IQGAP1: variants seen among roughly 807,000 people sequenced by gnomAD.
IQGAP1 encodes ras GTPase-activating-like protein IQGAP1.
IQGAP1 carries 66 observed loss-of-function variants against 215.6 expected under a neutral mutation model. The ratio of observed to expected loss-of-function variants is 0.31; its 90% CI spans 0.25 to 0.38. The LOEUF (loss-of-function observed/expected upper bound fraction) is 0.38. Ranked by LOEUF, IQGAP1 falls within the 10% of genes least tolerant of loss-of-function variation. The pLI, the probability that IQGAP1 is intolerant of heterozygous loss-of-function variation, is 1.00. For synonymous variants in IQGAP1, 772 were observed against 728.7 expected (o/e 1.06, Z -0.96); for missense variants, 1,712 against 1,997.1 (o/e 0.86, Z 2.72).
At chr15:90,432,803 AT>A (rs1180186298) in intron 4 of IQGAP1, among the ~76,000 whole-genome samples, 5 of 152,026 alleles carry the variant, frequency 3.3e-5, no homozygotes, top group Admixed American at 3.3e-4. Flanking sequence ...TCACCTCATT[AT>A]TCAGTCTTTT....
chr15:90,432,150 A>G (rs1370108866), intron 4 of IQGAP1, among the ~76,000 whole-genome samples: 5 of 152,112 alleles, frequency 3.3e-5, no homozygotes, highest in Non-Finnish European at 7.4e-5. Flanking sequence ...TTCTCCTTGG[A>G]TAGCTTTCTG....
At chr15:90,487,333 C>T in intron 32 of IQGAP1, 162 bp from the exon 33 acceptor site, 1 of 661,282 alleles carries the variant, frequency 1.5e-6, no homozygotes, top group South Asian at 1.9e-5. Flanking sequence ...TATGGAATGG[C>T]TGGGTAAATA....
intron 2 of IQGAP1, among the ~76,000 whole-genome samples, chr15:90,422,659 T>C (rs899342972): frequency 2.1e-4 from 14 of 66,372 alleles, no homozygotes; most frequent in Non-Finnish European, 2.9e-4. Context: ...TATATATATA[T>C]GTATATATAT....
At chr15:90,471,521 C>T (rs1449957994) in intron 18 of IQGAP1, among the ~76,000 whole-genome samples, 3 of 146,722 alleles carry the variant, frequency 2.0e-5, no homozygotes, top group Non-Finnish European at 4.5e-5. Flanking sequence ...TTTTTTGAAG[C>T]GGAGTTTCGC....
At chr15:90,393,971 A>G (rs1438227799) in intron 2 of IQGAP1, 3 of 152,220 alleles carry the variant, frequency 2.0e-5, no homozygotes, top group African/African-American at 7.2e-5. Context: ...CCCCGTCTCT[A>G]CTAAAAATAC....
At chr15:90,414,026 G>A (rs1296575185) in intron 2 of IQGAP1, among the ~76,000 whole-genome samples, 1 of 151,646 alleles carries the variant, frequency 6.6e-6, no homozygotes, top group Non-Finnish European at 1.5e-5. Flanking sequence ...TTCTTTTCTT[G>A]CAGACTATAA....
At chr15:90,445,954 TCCTGAGTGGATGACCAG>T (rs1965522840) in intron 9 of IQGAP1, among the ~76,000 whole-genome samples, 1 of 151,916 alleles carries the variant, frequency 6.6e-6, no homozygotes, top group Admixed American at 6.6e-5. Context: ...TGCCTCAGCC[TCCTGAGTGGATGACCAG>T]CATTCTTTGT....
chr15:90,496,241 C>T (rs1966271124), intron 36 of IQGAP1, among the ~76,000 whole-genome samples: 1 of 150,320 alleles, frequency 6.7e-6, no homozygotes, highest in African/African-American at 2.5e-5. Flanking sequence ...GGTAAGGCAG[C>T]TCCATAGTTG....
At chr15:90,445,464 T>C (rs1876801281) in intron 9 of IQGAP1, among the ~76,000 whole-genome samples, 1 of 152,162 alleles carries the variant, frequency 6.6e-6, no homozygotes. Flanking sequence ...TCAAATCTCC[T>C]GTGTCGTACA....
intron 25 of IQGAP1, 45 bp from the exon 26 acceptor site, chr15:90,477,620 G>T: frequency 7.4e-7 from 1 of 1,350,162 alleles, no homozygotes; most frequent in South Asian, 1.2e-5. Flanking sequence ...CTTTTAAGTT[G>T]ATGGGTTTTG....
intron 4 of IQGAP1, among the ~76,000 whole-genome samples, chr15:90,430,597 T>A (rs911065671): frequency 6.6e-6 from 1 of 152,102 alleles, no homozygotes; most frequent in African/African-American, 2.4e-5. Flanking sequence ...GTTATAGGAG[T>A]TTGTGTTCTA....
chr15:90,450,118 G>A (rs1005397248), intron 11 of IQGAP1, among the ~76,000 whole-genome samples: 2 of 151,814 alleles, frequency 1.3e-5, no homozygotes, highest in East Asian at 1.9e-4. Flanking sequence ...TTTTGTACCC[G>A]TTAGCCAACC....
chr15:90,473,827 T>G, intron 20 of IQGAP1, 29 bp downstream of exon 20: 1 of 1,610,834 alleles, frequency 6.2e-7, no homozygotes, highest in Non-Finnish European at 8.5e-7. Flanking sequence ...GGTTTCTCCA[T>G]GAGGGGCACA....
intron 2 of IQGAP1, among the ~76,000 whole-genome samples, chr15:90,419,713 T>C (rs1815205391): frequency 6.6e-6 from 1 of 152,230 alleles, no homozygotes; most frequent in South Asian, 2.1e-4. Context: ...TTATAAAGTT[T>C]AGCAGCTCTA....
chr15:90,479,021 G>C (rs1407258634), intron 26 of IQGAP1, among the ~76,000 whole-genome samples: 1 of 152,202 alleles, frequency 6.6e-6, no homozygotes, highest in Non-Finnish European at 1.5e-5. Flanking sequence ...TTTGTCTTGG[G>C]TGAGGACCCA....
At chr15:90,419,245 C>T (rs1965098519) in intron 2 of IQGAP1, among the ~76,000 whole-genome samples, 1 of 151,864 alleles carries the variant, frequency 6.6e-6, no homozygotes, top group Admixed American at 6.6e-5. Flanking sequence ...TTTTGGAACC[C>T]ACAGTTTATC....
chr15:90,461,998 A>AAAAAAG (rs1965769380), intron 15 of IQGAP1, among the ~76,000 whole-genome samples: 1 of 14,924 alleles, frequency 6.7e-5, no homozygotes, highest in South Asian at 5.4e-3. Context: ...AAAAAAAAAA[A>AAAAAAG]AGAAAAAAAA....
In IQGAP1 at chr15:90,425,808, G is replaced by T. The variant is rs542932441; in HGVS notation, c.156-302G>T. On this transcript the variant is annotated intron_variant, in intron 2 of 37. Coordinates refer to ENST00000268182, the MANE Select transcript of IQGAP1 (RefSeq NM_003870.4). The stretch of plus-strand genomic sequence containing the variant: ...TTAAAGAGCAACTTAAGGACTGAGG[G>T]AAAGGGTCTGAGGTTCTGGGAGCAG... 1.6e-4 allele frequency among the ~76,000 whole-genome samples: 25 copies of T among 152,320 alleles called. No individual in the cohort carries two copies. The East Asian group carries it at 3.1e-3, about 19-fold the overall frequency.
At position 90,453,285 on chromosome 15, in the gene IQGAP1, T is replaced by C. The variant is rs138917240; in HGVS notation, c.1480T>C (p.Cys494Arg). ...TGLTNIEEEN[C>R]QRYLDELMKL... ...TCTTACCAATATTGAGGAAGAAAAC[T>C]GTCAGAGGTGGGTGTCCAGAGTGAA... The change falls in exon 13 of 38, where the codon TGT (cysteine) becomes CGT (arginine). Residue 494 changes from cysteine (C) to arginine (R), a missense_variant. Transcript: ENST00000268182. The C allele has an allele frequency of 1.2e-6, 2 of 1,611,084 alleles. No homozygotes were observed. The highest frequency in any genetic ancestry group is 1.7e-6 in the Non-Finnish European group (2 of 1,178,606).
Sources: allele counts gnomAD v4.1 joint callset (sites outside exome capture counted in the v4.1 genomes callset), GRCh38; gene constraint gnomAD v4.1.1; transcripts MANE v1.5; gene names NCBI Gene and HGNC (gene_info 2026-07-23, HGNC 2026-07-21).